The following TMEM132C variants were observed in gnomAD, a reference collection of about 807,000 sequenced individuals.
TMEM132C encodes the protein protein phosphatase 1, regulatory subunit 152.
TMEM132C carries 29 observed loss-of-function variants against 61.4 expected under a neutral mutation model. The observed-to-expected ratio is 0.47, with a 90% CI of 0.35 to 0.64. The LOEUF (loss-of-function observed/expected upper bound fraction) is 0.64, where lower values mean the gene tolerates loss of function less well. TMEM132C is among the 30% of genes least tolerant of loss of function. The pLI is 0.00. For missense variants in TMEM132C, 1,408 were observed against 1,476.9 expected, an observed-to-expected ratio of 0.95 and a Z score of 0.76; for synonymous variants, 656 against 633.1, an observed-to-expected ratio of 1.04 and a Z score of -0.54.
At chr12:128,649,391 T>TGG (rs1217778078) in intron 4 of TMEM132C, among the ~76,000 whole-genome samples, 1 of 152,152 alleles carries the variant, frequency 6.6e-6, no homozygotes, top group Non-Finnish European at 1.5e-5. Flanking sequence ...ACACACATCA[T>TGG]TTGCACTCGT....
chr12:128,476,587 T>C (rs1871162500), intron 2 of TMEM132C, among the ~76,000 whole-genome samples: 1 of 152,186 alleles, frequency 6.6e-6, no homozygotes, highest in African/African-American at 2.4e-5. Context: ...CATTTAGTGT[T>C]AGAAGAAAAA....
At chr12:128,562,167 C>A (rs1028448136) in intron 3 of TMEM132C, among the ~76,000 whole-genome samples, 1 of 152,156 alleles carries the variant, frequency 6.6e-6, no homozygotes, top group African/African-American at 2.4e-5. Flanking sequence ...TGTGGCTTGG[C>A]GCCAAGCATT....
At chr12:128,484,089 C>A (rs11059713) in intron 2 of TMEM132C, among the ~76,000 whole-genome samples, 1 of 152,180 alleles carries the variant, frequency 6.6e-6, no homozygotes, top group Non-Finnish European at 1.5e-5. Flanking sequence ...AACTAGCAAA[C>A]AACATAAAGC....
intron 2 of TMEM132C, among the ~76,000 whole-genome samples, chr12:128,489,711 T>C (rs1244794299): frequency 6.6e-6 from 1 of 151,938 alleles, no homozygotes; most frequent in African/African-American, 2.4e-5. Flanking sequence ...TGTGGGAATA[T>C]AGATATAAAA....
chr12:128,267,975 C>G (rs1870370561), intron 1 of TMEM132C, among the ~76,000 whole-genome samples: 1 of 152,230 alleles, frequency 6.6e-6, no homozygotes, highest in South Asian at 2.1e-4. Context: ...AGGCCCGGTT[C>G]TTTGCATCCC....
intron 1 of TMEM132C, among the ~76,000 whole-genome samples, chr12:128,270,214 C>T (rs1870464139): frequency 1.3e-5 from 2 of 152,172 alleles, no homozygotes. Flanking sequence ...TGTGGGACCA[C>T]ATTCTCTTTT....
intron 1 of TMEM132C, among the ~76,000 whole-genome samples, chr12:128,395,653 T>A (rs927107504): frequency 2.0e-5 from 3 of 152,246 alleles, no homozygotes; most frequent in Non-Finnish European, 4.4e-5. Flanking sequence ...AGGTATTGAA[T>A]ATCTCATGTA....
intron 3 of TMEM132C, among the ~76,000 whole-genome samples, chr12:128,579,697 T>C (rs1374824694): frequency 6.6e-6 from 1 of 152,124 alleles, no homozygotes; most frequent in African/African-American, 2.4e-5. Flanking sequence ...ATGCACGTGC[T>C]CTTTGCTGAG....
At position 128,267,342 on chromosome 12, in the gene TMEM132C, G is replaced by T; in HGVS notation, c.-61G>T. On this transcript the variant is annotated 5_prime_UTR_variant, in exon 1 of 9. Coordinates refer to ENST00000435159, the MANE Select transcript of TMEM132C (RefSeq NM_001136103.3). The stretch of plus-strand genomic sequence containing the variant: ...CCCGGGCATGGGGCGGCCGGCGGGG[G>T]CCGCGGGCGGGCGCTGCGCTTCGGG... 3.1e-6 allele frequency: 3 copies of T among 967,934 alleles called. No individual in the cohort carries two copies. Among genetic ancestry groups the T allele is most frequent in the African/African-American group, 1.8e-5 (1 of 56,550 alleles). The allele number at this position is 967,934 out of a possible 1,614,324, so 60.0% of individuals were successfully genotyped here. A position where few individuals can be genotyped will look rare whatever the true frequency, so the allele number is the denominator to read the frequency against.
chr12:128,324,825 C>G (rs1475968308), intron 1 of TMEM132C, among the ~76,000 whole-genome samples: 1 of 152,038 alleles, frequency 6.6e-6, no homozygotes, highest in Non-Finnish European at 1.5e-5. Flanking sequence ...GAGACCCTAC[C>G]TCAAAAAAAT....
intron 3 of TMEM132C, among the ~76,000 whole-genome samples, chr12:128,614,035 T>A (rs1876718339): frequency 6.6e-6 from 1 of 152,206 alleles, no homozygotes; most frequent in African/African-American, 2.4e-5. Context: ...CCTTAGCATA[T>A]CAGCAGAGGG....
At chr12:128,438,337 G>C (rs942310156) in intron 2 of TMEM132C, among the ~76,000 whole-genome samples, 2 of 152,044 alleles carry the variant, frequency 1.3e-5, no homozygotes, top group Non-Finnish European at 2.9e-5. Context: ...CATGAGAGCT[G>C]GTTGTTTAAA....
At chr12:128,276,298 C>T (rs1309318855) in intron 1 of TMEM132C, among the ~76,000 whole-genome samples, 1 of 152,146 alleles carries the variant, frequency 6.6e-6, no homozygotes, top group Non-Finnish European at 1.5e-5. Flanking sequence ...GGAAACCTTA[C>T]ATAGATATTT....
intron 5 of TMEM132C, among the ~76,000 whole-genome samples, chr12:128,680,409 A>G (rs1214590687): frequency 2.0e-5 from 3 of 152,236 alleles, no homozygotes; most frequent in Admixed American, 6.5e-5. Flanking sequence ...GTATGGGAAT[A>G]TGCTGTCATC....
intron 4 of TMEM132C, among the ~76,000 whole-genome samples, chr12:128,661,361 G>C (rs1230392658): frequency 6.6e-6 from 1 of 152,182 alleles, no homozygotes; most frequent in Non-Finnish European, 1.5e-5. Flanking sequence ...TTAATGTTTA[G>C]TTGACCAGCT....
chr12:128,447,331 C>T (rs1870014721), intron 2 of TMEM132C, among the ~76,000 whole-genome samples: 1 of 152,122 alleles, frequency 6.6e-6, no homozygotes. Flanking sequence ...AAATTACTGT[C>T]TTATCAAGAC....
rs115053000 is a variant in TMEM132C at position 128,484,695 on chromosome 12, G to T, written c.975-59262G>T. ...ACTTTTTGGCAGCGTGGCGACTCAT[G>T]CCTGTAATCTCAGCACTTTGGGAGG... is the stretch of plus-strand genomic sequence containing the variant. On this transcript the variant is annotated intron_variant, in intron 2 of 8. Coordinates refer to ENST00000435159, the MANE Select transcript of TMEM132C (RefSeq NM_001136103.3). 1.8e-3 allele frequency among the ~76,000 whole-genome samples: 277 copies of T among 152,288 alleles called. 1 individual carries two copies. Among genetic ancestry groups the T allele is most frequent in the African/African-American group, 6.2e-3 (259 of 41,568 alleles).
At chr12:128,400,816 G>T (rs1188060746) in intron 1 of TMEM132C, among the ~76,000 whole-genome samples, 1 of 151,786 alleles carries the variant, frequency 6.6e-6, no homozygotes, top group African/African-American at 2.4e-5. Context: ...CACCATGTTG[G>T]CCAGGCTGGT....
intron 1 of TMEM132C, among the ~76,000 whole-genome samples, chr12:128,383,126 A>G (rs1412141062): frequency 2.0e-5 from 3 of 151,804 alleles, no homozygotes; most frequent in African/African-American, 4.8e-5. Flanking sequence ...GTGTGTATGC[A>G]GTTGTTTAGG....
Sources: gnomAD v4.1 joint callset for allele counts (sites outside exome capture counted in the v4.1 genomes callset) on GRCh38, gnomAD v4.1.1 for gene constraint, MANE v1.5 for transcripts, NCBI Gene and HGNC (gene_info 2026-07-23, HGNC 2026-07-21) for gene names.